Variants in CERS6 observed in about 807,000 individuals in gnomAD.
CERS6 encodes LAG1 homolog, ceramide synthase 6.
Under a neutral mutation model 56.8 loss-of-function variants are expected in CERS6, and 26 were observed. The observed-to-expected ratio is 0.46, with a 90% CI of 0.34 to 0.63. CERS6 has a LOEUF of 0.63. CERS6 is among the 30% of genes least tolerant of loss of function. CERS6 has a pLI of 0.01. For missense variants in CERS6, 415 were observed against 467.5 expected (o/e 0.89, Z 1.04); for synonymous variants, 164 against 173.3 (o/e 0.95, Z 0.42).
chr2:168,635,748 C>T (rs554620475), intron 4 of CERS6, among the ~76,000 whole-genome samples: 14 of 152,168 alleles, frequency 9.2e-5, no homozygotes, highest in Non-Finnish European at 1.6e-4. Context: ...GAGAGTGCCC[C>T]GTCAGACTGA....
At chr2:168,500,723 A>C (rs1014051548) in intron 1 of CERS6, among the ~76,000 whole-genome samples, 1 of 152,362 alleles carries the variant, frequency 6.6e-6, no homozygotes, top group African/African-American at 2.4e-5. Flanking sequence ...GGGAACTGTC[A>C]GACAAGCTTT....
intron 3 of CERS6, among the ~76,000 whole-genome samples, chr2:168,604,705 C>A (rs1215957291): frequency 6.6e-6 from 1 of 152,138 alleles, no homozygotes; most frequent in African/African-American, 2.4e-5. Flanking sequence ...CTCTCTCTCT[C>A]TCGCTCCTGC....
At chr2:168,597,808 A>G (rs1232123549) in intron 3 of CERS6, among the ~76,000 whole-genome samples, 1 of 152,220 alleles carries the variant, frequency 6.6e-6, no homozygotes, top group East Asian at 1.9e-4. Context: ...CTTTGACATC[A>G]TGTCTTTGTC....
intron 3 of CERS6, among the ~76,000 whole-genome samples, chr2:168,588,080 A>ATTTTTT (rs11396816): frequency 1.4e-5 from 2 of 138,552 alleles, no homozygotes; most frequent in African/African-American, 5.4e-5. Flanking sequence ...TACCTGGCTA[A>ATTTTTT]TTTTTTTTTT....
intron 3 of CERS6, among the ~76,000 whole-genome samples, chr2:168,623,943 A>G (rs559526071): frequency 1.3e-5 from 2 of 152,318 alleles, no homozygotes; most frequent in Admixed American, 6.5e-5. Context: ...TGGGTCTTCT[A>G]TCTGTAGAAT....
intron 4 of CERS6, among the ~76,000 whole-genome samples, chr2:168,631,731 T>C (rs1482150315): frequency 8.3e-6 from 1 of 120,500 alleles, no homozygotes; most frequent in African/African-American, 3.2e-5. Context: ...ATTTATATTA[T>C]ATATAACATA....
intron 1 of CERS6, among the ~76,000 whole-genome samples, chr2:168,534,765 G>C (rs573403769): frequency 2.0e-5 from 3 of 152,322 alleles, no homozygotes; most frequent in South Asian, 4.1e-4. Flanking sequence ...GGTGGAAGGG[G>C]TGTGCCTCAC....
intron 4 of CERS6, among the ~76,000 whole-genome samples, chr2:168,647,560 G>T (rs1685235544): frequency 6.6e-6 from 1 of 152,154 alleles, no homozygotes; most frequent in Admixed American, 6.5e-5. Context: ...TGTTGAATAG[G>T]AGTGGTGAGA....
chr2:168,719,573 T>C (rs1004552710), intron 8 of CERS6, among the ~76,000 whole-genome samples: 3 of 152,222 alleles, frequency 2.0e-5, no homozygotes, highest in African/African-American at 4.8e-5. Context: ...ACCCATTTCT[T>C]TGGATTCACC....
chr2:168,586,297 T>G (rs1413346263), intron 3 of CERS6, among the ~76,000 whole-genome samples: 2 of 152,158 alleles, frequency 1.3e-5, no homozygotes, highest in Non-Finnish European at 2.9e-5. Flanking sequence ...GATTTACAAT[T>G]AAAGAAAATC....
At chr2:168,481,700 A>T (rs2105333086) in intron 1 of CERS6, among the ~76,000 whole-genome samples, 1 of 152,364 alleles carries the variant, frequency 6.6e-6, no homozygotes, top group South Asian at 2.1e-4. Context: ...ATAAATGCTT[A>T]ATCTGTTATG....
At chr2:168,485,934 A>T (rs990827515) in intron 1 of CERS6, among the ~76,000 whole-genome samples, 1 of 152,180 alleles carries the variant, frequency 6.6e-6, no homozygotes, top group Admixed American at 6.5e-5. Context: ...CAGAAACTGC[A>T]AAACTGTTTT....
At chr2:168,633,360 T>C (rs1023100420) in intron 4 of CERS6, among the ~76,000 whole-genome samples, 2 of 152,160 alleles carry the variant, frequency 1.3e-5, no homozygotes, top group Non-Finnish European at 2.9e-5. Context: ...TGAAATAGCT[T>C]TGGAGGACTT....
intron 4 of CERS6, among the ~76,000 whole-genome samples, chr2:168,639,736 T>C (rs765637322): frequency 1.3e-5 from 2 of 152,102 alleles, no homozygotes; most frequent in East Asian, 1.9e-4. Flanking sequence ...GGAATTCCGA[T>C]TGGACCAGCT....
At chr2:168,638,083 T>C (rs1049247444) in intron 4 of CERS6, among the ~76,000 whole-genome samples, 2 of 152,152 alleles carry the variant, frequency 1.3e-5, no homozygotes, top group African/African-American at 4.8e-5. Flanking sequence ...ATTCAGCTGT[T>C]TATGTTTGCC....
intron 1 of CERS6, among the ~76,000 whole-genome samples, chr2:168,519,458 A>C (rs919464591): frequency 6.6e-6 from 1 of 152,042 alleles, no homozygotes; most frequent in Non-Finnish European, 1.5e-5. Context: ...TTGGGTTTCT[A>C]ATGATCTGTC....
At chr2:168,679,176 G>T (rs145262654) in intron 4 of CERS6, among the ~76,000 whole-genome samples, 2 of 150,760 alleles carry the variant, frequency 1.3e-5, no homozygotes, top group Non-Finnish European at 3.0e-5. Context: ...CAGAGATTGG[G>T]AAGGGAGGGT....
At chr2:168,745,327 C>T (rs1454302703) in intron 8 of CERS6, among the ~76,000 whole-genome samples, 5 of 151,928 alleles carry the variant, frequency 3.3e-5, no homozygotes, top group Non-Finnish European at 5.9e-5. Context: ...CTGCAAGGTC[C>T]GCCTCCTGGG....
intron 1 of CERS6, among the ~76,000 whole-genome samples, chr2:168,496,315 T>C (rs1694467387): frequency 6.6e-6 from 1 of 152,128 alleles, no homozygotes; most frequent in Non-Finnish European, 1.5e-5. Flanking sequence ...GCTATTTGGT[T>C]GACAGAGAAC....
Sources: gnomAD v4.1 joint callset for allele counts (sites outside exome capture counted in the v4.1 genomes callset) on GRCh38, gnomAD v4.1.1 for gene constraint, MANE v1.5 for transcripts, NCBI Gene and HGNC (gene_info 2026-07-23, HGNC 2026-07-21) for gene names.